The following GRM7 variants were observed in gnomAD, a reference collection of about 807,000 sequenced individuals.
The protein encoded by GRM7 is metabotropic glutamate receptor 7.
Under a neutral mutation model 84.5 loss-of-function variants are expected in GRM7, and 35 were observed. The ratio of observed to expected loss-of-function variants is 0.41; its 90% CI spans 0.32 to 0.55. The LOEUF (loss-of-function observed/expected upper bound fraction) is 0.55. Ranked by LOEUF, GRM7 falls within the 20% of genes least tolerant of loss-of-function variation. The pLI is 0.19. For synonymous variants in GRM7, 487 were observed against 455.1 expected (o/e 1.07, Z -0.89); for missense variants, 1,003 against 1,194.6 (o/e 0.84, Z 2.36).
At chr3:7,117,243 A>G (rs1204681927) in intron 1 of GRM7, among the ~76,000 whole-genome samples, 1 of 152,188 alleles carries the variant, frequency 6.6e-6, no homozygotes, top group East Asian at 1.9e-4. Flanking sequence ...CCACCACCTC[A>G]TGAGTCAGAT....
At chr3:6,944,729 C>T (rs939768487) in intron 1 of GRM7, among the ~76,000 whole-genome samples, 7 of 152,034 alleles carry the variant, frequency 4.6e-5, no homozygotes, top group East Asian at 1.9e-4. Context: ...CTCACGTTTT[C>T]GAACTTCATG....
rs1437248695 is a variant in GRM7 at position 7,656,543 on chromosome 3, GCGCGCACACA to G, written c.2452-23504_2452-23495del. On this transcript the variant is annotated intron_variant, in intron 8 of 9. Transcript: ENST00000357716. ...AAAAAATATATATATATATATACGC[GCGCGCACACA>G]CACACACACACACACACACACACAA... 4.5e-4 allele frequency among the ~76,000 whole-genome samples: 54 copies of G among 119,970 alleles called. 1 individual carries two copies. Among genetic ancestry groups the G allele is most frequent in the Non-Finnish European group, 6.5e-4 (36 of 55,634 alleles). The allele number at this position is 119,970 out of a possible 152,430, so 78.7% of individuals were successfully genotyped here. A position where few individuals can be genotyped will look rare whatever the true frequency, so the allele number is the denominator to read the frequency against.
intron 4 of GRM7, among the ~76,000 whole-genome samples, chr3:7,369,412 ATTT>A (rs35867631): frequency 2.4e-4 from 35 of 147,840 alleles, no homozygotes; most frequent in East Asian, 6.0e-4. Context: ...GCACACATTC[ATTT>A]TTTTTTTTTT....
intron 1 of GRM7, among the ~76,000 whole-genome samples, chr3:6,949,010 A>G (rs970139180): frequency 5.9e-5 from 9 of 152,036 alleles, no homozygotes; most frequent in African/African-American, 2.2e-4. Context: ...TCTTTATCCA[A>G]TTTGCCAGTC....
chr3:6,903,069 A>C (rs1426044608), intron 1 of GRM7, among the ~76,000 whole-genome samples: 1 of 152,124 alleles, frequency 6.6e-6, no homozygotes, highest in Non-Finnish European at 1.5e-5. Flanking sequence ...TGATATATTT[A>C]TAATGCTTAT....
chr3:7,247,602 T>TA (rs1223872815), intron 2 of GRM7, among the ~76,000 whole-genome samples: 2,072 of 102,366 alleles, frequency 0.02, 19 homozygotes, highest in South Asian at 0.03. Flanking sequence ...TCTTTTTTTT[T>TA]AAAAAAAAAA....
At chr3:7,352,720 C>T (rs1295463886) in intron 4 of GRM7, among the ~76,000 whole-genome samples, 1 of 152,054 alleles carries the variant, frequency 6.6e-6, no homozygotes, top group African/African-American at 2.4e-5. Flanking sequence ...TCTGATGAGT[C>T]GTTTTTGCCT....
chr3:7,660,039 C>G (rs1275698927), intron 8 of GRM7, among the ~76,000 whole-genome samples: 1 of 152,004 alleles, frequency 6.6e-6, no homozygotes, highest in African/African-American at 2.4e-5. Flanking sequence ...TAGATGAAAA[C>G]CAAATAGGTA....
At chr3:7,456,730 T>C (rs1698031554) in intron 6 of GRM7, among the ~76,000 whole-genome samples, 1 of 151,872 alleles carries the variant, frequency 6.6e-6, no homozygotes, top group Non-Finnish European at 1.5e-5. Flanking sequence ...TCACACTCTA[T>C]GGTCAACAAA....
intron 1 of GRM7, among the ~76,000 whole-genome samples, chr3:7,047,800 C>G (rs193292955): frequency 8.5e-5 from 13 of 152,138 alleles, no homozygotes; most frequent in Admixed American, 7.9e-4. Flanking sequence ...TATCCTAAAG[C>G]TTGAGTAATC....
rs970939900 is a variant in GRM7, at chr3:6,878,540, A to G, written c.519+16633A>G. Among the ~76,000 whole-genome samples the G allele has an allele frequency of 3.2e-4, 31 of 95,590 alleles. 1 individual carries two copies. Among genetic ancestry groups the G allele is most frequent in the Non-Finnish European group, 4.5e-5 (2 of 44,302 alleles). 62.7% of individuals were successfully genotyped at this position (95,590 alleles called of 152,430 possible). On this transcript the variant is annotated intron_variant, in intron 1 of 9. Coordinates refer to ENST00000357716, the MANE Select transcript of GRM7 (RefSeq NM_000844.4). The stretch of plus-strand genomic sequence containing the variant: ...TGCACTAGATATTTAAGAGATTAAC[A>G]TAAAATAATAATAATAATACAAAAA...
intron 1 of GRM7, among the ~76,000 whole-genome samples, chr3:6,901,085 A>T (rs1369015988): frequency 3.9e-5 from 6 of 152,184 alleles, no homozygotes; most frequent in Non-Finnish European, 8.8e-5. Flanking sequence ...TAATGATTGG[A>T]TGTATATTAC....
chr3:7,117,838 A>C (rs1159478265), intron 1 of GRM7, among the ~76,000 whole-genome samples: 1 of 152,196 alleles, frequency 6.6e-6, no homozygotes, highest in Non-Finnish European at 1.5e-5. Flanking sequence ...TCAAAATTCC[A>C]GGCTCATAGA....
At chr3:7,409,738 C>G (rs180986476) in intron 4 of GRM7, among the ~76,000 whole-genome samples, 2 of 152,050 alleles carry the variant, frequency 1.3e-5, no homozygotes, top group African/African-American at 4.8e-5. Context: ...GTAGCTGGGA[C>G]TACAGGCACA....
In GRM7 at chr3:7,429,759, T is replaced by C. The variant is rs190304397; in HGVS notation, c.1174+14596T>C. 9.1e-4 allele frequency among the ~76,000 whole-genome samples: 139 copies of C among 152,278 alleles called. 2 individuals are homozygous for C. Among genetic ancestry groups the C allele is most frequent in the African/African-American group, 3.2e-3 (132 of 41,568 alleles). On this transcript the variant is annotated intron_variant, in intron 5 of 9. Transcript: ENST00000357716. ...CTCTACTCTTGTAAATAATAAACAA[T>C]TATACATAGAAGTGGCATCTCCCTG...
intron 2 of GRM7, among the ~76,000 whole-genome samples, chr3:7,239,371 G>A (rs544649091): frequency 3.9e-5 from 6 of 152,112 alleles, no homozygotes; most frequent in African/African-American, 9.7e-5. Flanking sequence ...GAGGAAAGAC[G>A]GAGCTGGCCT....
At chr3:7,726,453 T>C (rs971017516) in intron 9 of GRM7, among the ~76,000 whole-genome samples, 1 of 151,456 alleles carries the variant, frequency 6.6e-6, no homozygotes, top group Non-Finnish European at 1.5e-5. Context: ...GTAAAAAACA[T>C]TTAATTCAAC....
intron 2 of GRM7, among the ~76,000 whole-genome samples, chr3:7,208,450 T>G (rs1696310694): frequency 6.6e-6 from 1 of 152,118 alleles, no homozygotes; most frequent in Admixed American, 6.5e-5. Context: ...TCTCTCAGCC[T>G]TGGTTTTCTC....
At chr3:7,079,523 T>A (rs896559020) in intron 1 of GRM7, among the ~76,000 whole-genome samples, 1 of 151,576 alleles carries the variant, frequency 6.6e-6, no homozygotes, top group East Asian at 1.9e-4. Flanking sequence ...TCTTTTTTTT[T>A]ATTTAAAAAT....
Sources: allele counts gnomAD v4.1 joint callset (sites outside exome capture counted in the v4.1 genomes callset), GRCh38; gene constraint gnomAD v4.1.1; transcripts MANE v1.5; gene names NCBI Gene and HGNC (gene_info 2026-07-23, HGNC 2026-07-21).